The following SHC4 variants were observed in gnomAD, a reference collection of about 807,000 sequenced individuals.
SHC4 encodes SHC adaptor protein 4, also known as SHC-transforming protein 4.
Under a neutral mutation model 69.4 loss-of-function variants are expected in SHC4, and 41 were observed. That is an observed-to-expected ratio of 0.59 (90% CI 0.46 to 0.77). The LOEUF (loss-of-function observed/expected upper bound fraction) is 0.77. Among genes scored for constraint, SHC4 ranks in the 30% least tolerant of loss-of-function variants. The pLI is 0.00. For synonymous variants in SHC4, 318 were observed against 299.3 expected (o/e 1.06, Z -0.64); for missense variants, 777 against 783.8 (o/e 0.99, Z 0.10).
intron 10 of SHC4, among the ~76,000 whole-genome samples, chr15:48,843,099 T>C (rs1899023328): frequency 6.6e-6 from 1 of 152,108 alleles, no homozygotes; most frequent in Non-Finnish European, 1.5e-5. Flanking sequence ...CCAGTGACTG[T>C]TGTCCTGTAA....
chr15:48,941,694 G>A (rs1901177671), intron 1 of SHC4, among the ~76,000 whole-genome samples: 1 of 152,162 alleles, frequency 6.6e-6, no homozygotes, highest in Non-Finnish European at 1.5e-5. Context: ...AAGTAACTTT[G>A]AAAGTTGAAG....
intron 4 of SHC4, among the ~76,000 whole-genome samples, chr15:48,882,543 G>A (rs1044769585): frequency 1.3e-5 from 2 of 152,126 alleles, no homozygotes; most frequent in Non-Finnish European, 2.9e-5. Flanking sequence ...GGGAAAGAGA[G>A]GCTGAGAATA....
chr15:48,960,238 C>G (rs900106496), intron 1 of SHC4, among the ~76,000 whole-genome samples: 5 of 152,186 alleles, frequency 3.3e-5, no homozygotes, highest in African/African-American at 1.2e-4. Context: ...CACAGCAACT[C>G]TTTTCACATT....
chr15:48,895,911 G>C (rs1298901549), intron 2 of SHC4, among the ~76,000 whole-genome samples: 1 of 152,048 alleles, frequency 6.6e-6, no homozygotes, highest in Admixed American at 6.6e-5. Context: ...GTGAGTCCTT[G>C]TGTCCACAAA....
chr15:48,852,969 T>A (rs954648048), intron 8 of SHC4, among the ~76,000 whole-genome samples: 1 of 149,614 alleles, frequency 6.7e-6, no homozygotes. Flanking sequence ...AATAAAAAAA[T>A]TTAGAGGTGG....
intron 1 of SHC4, among the ~76,000 whole-genome samples, chr15:48,957,112 G>A (rs1439947301): frequency 6.6e-6 from 1 of 151,538 alleles, no homozygotes; most frequent in Non-Finnish European, 1.5e-5. Context: ...CAAGTAGCTG[G>A]GAGTACAGGT....
intron 1 of SHC4, among the ~76,000 whole-genome samples, chr15:48,951,330 C>G (rs1297316517): frequency 6.6e-6 from 1 of 151,962 alleles, no homozygotes; most frequent in Non-Finnish European, 1.5e-5. Flanking sequence ...GGTGTCCCAT[C>G]TTTCCCCTCT....
chr15:48,891,341 T>G (rs1900135106), intron 2 of SHC4, among the ~76,000 whole-genome samples: 1 of 152,186 alleles, frequency 6.6e-6, no homozygotes, highest in Non-Finnish European at 1.5e-5. Context: ...TGCGAGCCAT[T>G]GAGCTTTCAT....
intron 9 of SHC4, among the ~76,000 whole-genome samples, chr15:48,845,056 C>T (rs1899061149): frequency 6.6e-6 from 1 of 152,192 alleles, no homozygotes; most frequent in Non-Finnish European, 1.5e-5. Flanking sequence ...AGAATATGTG[C>T]TAGCCATATA....
intron 2 of SHC4, among the ~76,000 whole-genome samples, chr15:48,898,728 G>C (rs1428165094): frequency 6.6e-6 from 1 of 152,030 alleles, no homozygotes; most frequent in Non-Finnish European, 1.5e-5. Flanking sequence ...ATTAAGTGCT[G>C]GTTTTTTCCT....
intron 1 of SHC4, among the ~76,000 whole-genome samples, chr15:48,939,134 T>C (rs1901128445): frequency 6.6e-6 from 1 of 152,326 alleles, no homozygotes; most frequent in South Asian, 2.1e-4. Flanking sequence ...CCTGATTGTC[T>C]TCAGTTCTAC....
intron 2 of SHC4, among the ~76,000 whole-genome samples, chr15:48,906,509 C>T (rs1049252895): frequency 6.6e-6 from 1 of 152,008 alleles, no homozygotes; most frequent in African/African-American, 2.4e-5. Context: ...TTTTCCCTAC[C>T]CACTCCCCTT....
At chr15:48,952,282 C>T (rs1901376842) in intron 1 of SHC4, among the ~76,000 whole-genome samples, 1 of 152,180 alleles carries the variant, frequency 6.6e-6, no homozygotes, top group Non-Finnish European at 1.5e-5. Flanking sequence ...CCCTAAAGCA[C>T]ATGGGTTTTT....
chr15:48,916,056 C>T (rs1900614652), intron 2 of SHC4, among the ~76,000 whole-genome samples: 1 of 152,200 alleles, frequency 6.6e-6, no homozygotes, highest in South Asian at 2.1e-4. Context: ...CTTATCCATG[C>T]ATTGCCGTAA....
intron 2 of SHC4, among the ~76,000 whole-genome samples, chr15:48,903,926 C>A (rs938959575): frequency 1.3e-4 from 20 of 152,292 alleles, no homozygotes; most frequent in Non-Finnish European, 2.6e-4. Flanking sequence ...CCACCACCCC[C>A]AGCTAACATT....
At chr15:48,918,655 GT>G (rs1280353151) in intron 2 of SHC4, among the ~76,000 whole-genome samples, 1 of 152,118 alleles carries the variant, frequency 6.6e-6, no homozygotes, top group African/African-American at 2.4e-5. Context: ...TGAAAGAAGA[GT>G]TTCAAAGATC....
intron 2 of SHC4, among the ~76,000 whole-genome samples, chr15:48,922,047 C>A (rs754853312): frequency 1.3e-5 from 2 of 152,136 alleles, no homozygotes; most frequent in Admixed American, 1.3e-4. Flanking sequence ...AGTAAACATG[C>A]AATATTTTAT....
intron 2 of SHC4, among the ~76,000 whole-genome samples, chr15:48,912,337 C>T (rs938797290): frequency 2.6e-5 from 4 of 152,158 alleles, no homozygotes; most frequent in Admixed American, 6.5e-5. Flanking sequence ...ACCTTGTCTT[C>T]GAGCTCTGAA....
At chr15:48,947,188 C>T (rs1422032355) in intron 1 of SHC4, 1 of 152,106 alleles carries the variant, frequency 6.6e-6, no homozygotes, top group Non-Finnish European at 1.5e-5. Context: ...ATTTCAGAAG[C>T]CAAAAGAAAA....
Sources: gnomAD v4.1 joint callset for allele counts (sites outside exome capture counted in the v4.1 genomes callset) on GRCh38, gnomAD v4.1.1 for gene constraint, MANE v1.5 for transcripts, NCBI Gene and HGNC (gene_info 2026-07-23, HGNC 2026-07-21) for gene names.